Variants in TSPEAR observed in about 807,000 individuals in gnomAD.
TSPEAR encodes the protein thrombospondin-type laminin G domain and EAR repeat-containing protein.
TSPEAR carries 69 observed loss-of-function variants against 71.6 expected under a neutral mutation model. The ratio of observed to expected loss-of-function variants is 0.96; its 90% CI spans 0.79 to 1.18. The LOEUF (loss-of-function observed/expected upper bound fraction) is 1.18. Ranked by LOEUF, TSPEAR falls within the 50% of genes most tolerant of loss-of-function variation. The probability of loss-of-function intolerance (pLI) is 0.00; values close to 1 mark genes in which losing one functional copy is unlikely to be tolerated. For synonymous variants in TSPEAR, 402 were observed against 387.2 expected (o/e 1.04, Z -0.45); for missense variants, 971 against 894.9 (o/e 1.09, Z -1.09).
At chr21:44,580,614 G>A in intron 1 of TSPEAR, 2 of 1,583,938 alleles carry the variant, frequency 1.3e-6, no homozygotes, top group South Asian at 1.2e-5. Context: ...GGAGCTGGGG[G>A]AGGTGTGAGT....
At chr21:44,603,875 G>A (rs1300993492) in intron 1 of TSPEAR, among the ~76,000 whole-genome samples, 3 of 152,180 alleles carry the variant, frequency 2.0e-5, no homozygotes, top group African/African-American at 7.2e-5. Context: ...TGACAATCTT[G>A]AATGCAGCAA....
At chr21:44,702,255 C>CGACT in intron 1 of TSPEAR, 1 of 1,605,014 alleles carries the variant, frequency 6.2e-7, no homozygotes, top group Non-Finnish European at 8.5e-7. Context: ...GGCAGGTGGA[C>CGACT]GACTGCCCGG....
intron 2 of TSPEAR, chr21:44,550,238 C>A: frequency 4.6e-6 from 1 of 218,974 alleles, no homozygotes; most frequent in South Asian, 8.2e-5. Context: ...ACACAAGAGC[C>A]CCCCGGGGCC....
At chr21:44,657,989 A>T (rs1985253500) in intron 1 of TSPEAR, 1 of 1,613,152 alleles carries the variant, frequency 6.2e-7, no homozygotes, top group East Asian at 2.2e-5. Context: ...CATGTGCCAC[A>T]CCAGCTGCTC....
intron 1 of TSPEAR, among the ~76,000 whole-genome samples, chr21:44,599,142 C>CTCTCTCTCTCTCTCTCTCTCTCTA: frequency 7.6e-6 from 1 of 132,256 alleles, no homozygotes; most frequent in East Asian, 2.2e-4. Flanking sequence ...TTTTCTCTCT[C>CTCTCTCTCTCTCTCTCTCTCTCTA]TCTCTCTCTC....
intron 8 of TSPEAR, among the ~76,000 whole-genome samples, chr21:44,524,439 T>C (rs1380148092): frequency 6.6e-6 from 1 of 150,490 alleles, no homozygotes; most frequent in African/African-American, 2.5e-5. Context: ...AATCAATGAG[T>C]CAGTTAGTTA....
chr21:44,623,738 A>G lies in TSPEAR; in HGVS notation c.83-55733T>C. On this transcript the variant is annotated intron_variant, in intron 1 of 11. Transcript: ENST00000323084. This position sits in a 1 kb window ranked among gnomAD's most constrained non-coding sequence, Gnocchi z 4.5. Reference sequence around the variant, plus strand: ...TTTCAGACAGTAAATATATCATTCCATCATCCTCTGGCTGCCATCATTTCT... The same window carrying G: ...TTTCAGACAGTAAATATATCATTCCGTCATCCTCTGGCTGCCATCATTTCT... 6.6e-6 allele frequency among the ~76,000 whole-genome samples: 1 copy of G among 152,148 alleles called. No individual in the cohort carries two copies. Among genetic ancestry groups the G allele is most frequent in the East Asian group, 1.9e-4 (1 of 5,200 alleles).
At chr21:44,525,881 C>G (rs374192283) in intron 7 of TSPEAR, 42 bp from the exon 8 acceptor site, 1 of 1,596,736 alleles carries the variant, frequency 6.3e-7, no homozygotes, top group Non-Finnish European at 8.6e-7. Flanking sequence ...CTGCTTGGGT[C>G]GGTGCCAGCG....
intron 10 of TSPEAR, 133 bp from the exon 11 acceptor site, chr21:44,505,014 A>G: frequency 3.0e-6 from 2 of 656,480 alleles, no homozygotes; most frequent in Non-Finnish European, 2.7e-6. Flanking sequence ...TCTCACAGTC[A>G]CATATGTGTT....
intron 1 of TSPEAR, among the ~76,000 whole-genome samples, chr21:44,635,174 G>A (rs906433155): frequency 5.3e-5 from 8 of 151,734 alleles, no homozygotes; most frequent in African/African-American, 1.9e-4. Flanking sequence ...GTGAAACCCC[G>A]TCTCTACCAA....
intron 1 of TSPEAR, among the ~76,000 whole-genome samples, chr21:44,701,367 AG>A (rs1987639878): frequency 6.6e-6 from 1 of 152,348 alleles, no homozygotes; most frequent in Admixed American, 6.5e-5. Context: ...TCATGGCACC[AG>A]GGACCAGTTT....
intron 1 of TSPEAR, among the ~76,000 whole-genome samples, chr21:44,616,310 A>G (rs1982091865): frequency 6.6e-6 from 1 of 151,926 alleles, no homozygotes; most frequent in Non-Finnish European, 1.5e-5. Flanking sequence ...GCGGGGAGAG[A>G]TCTTACAATT....
At chr21:44,556,861 A>C (rs972222643) in intron 2 of TSPEAR, among the ~76,000 whole-genome samples, 2 of 152,192 alleles carry the variant, frequency 1.3e-5, no homozygotes, top group African/African-American at 4.8e-5. Flanking sequence ...CCCAAATCAA[A>C]GACAGGGGTC....
In TSPEAR at chr21:44,565,602, TA is replaced by T. The variant is rs587755319; in HGVS notation, c.303+2182del. ...AATGTAACACAACACATCAACAGAA[TA>T]AAAAACAAAAATAGCATGATTATAA... On this transcript the variant is annotated intron_variant, in intron 2 of 11. Transcript: ENST00000323084. 5.1e-3 allele frequency among the ~76,000 whole-genome samples: 782 copies of T among 152,094 alleles called. 7 individuals are homozygous for T. The highest frequency in any genetic ancestry group is 0.018 in the African/African-American group (750 of 41,498).
chr21:44,580,093 G>A (rs1405907535), intron 1 of TSPEAR: 3 of 1,613,722 alleles, frequency 1.9e-6, no homozygotes, highest in East Asian at 4.5e-5. Context: ...AGGAGGTGCA[G>A]CAAGTCGGCT....
chr21:44,564,949 A>G (rs1365966759), intron 2 of TSPEAR, among the ~76,000 whole-genome samples: 1 of 152,132 alleles, frequency 6.6e-6, no homozygotes, highest in Admixed American at 6.5e-5. Context: ...TCTGGCCACA[A>G]TAAAATAAAA....
intron 11 of TSPEAR, among the ~76,000 whole-genome samples, chr21:44,501,839 C>T (rs944472368): frequency 1.3e-5 from 2 of 152,150 alleles, no homozygotes; most frequent in Admixed American, 1.3e-4. Context: ...CTGAATTTAA[C>T]CCAGCTGTCA....
At chr21:44,641,124 T>C (rs1340796658) in intron 1 of TSPEAR, among the ~76,000 whole-genome samples, 1 of 152,186 alleles carries the variant, frequency 6.6e-6, no homozygotes, top group Non-Finnish European at 1.5e-5. Flanking sequence ...CAGCAATGAA[T>C]GCCAAACAAT....
chr21:44,501,429 A>C (rs2052027596), intron 11 of TSPEAR, among the ~76,000 whole-genome samples: 1 of 152,148 alleles, frequency 6.6e-6, no homozygotes, highest in Non-Finnish European at 1.5e-5. Context: ...CCCCATCTCT[A>C]CTAAAAAATA....
Sources: gnomAD v4.1 joint callset for allele counts (sites outside exome capture counted in the v4.1 genomes callset) on GRCh38, gnomAD v4.1.1 for gene constraint, Gnocchi (gnomAD v3.1) non-coding constraint, MANE v1.5 for transcripts, NCBI Gene and HGNC (gene_info 2026-07-23, HGNC 2026-07-21) for gene names.